Variants in ATP2B2 observed in about 807,000 individuals in gnomAD.
ATP2B2 encodes plasma membrane calcium-transporting ATPase 2.
ATP2B2 carries 15 observed loss-of-function variants against 120.0 expected under a neutral mutation model. The observed-to-expected ratio is 0.12, with a 90% CI of 0.08 to 0.19. The LOEUF is 0.19. Among genes scored for constraint, ATP2B2 ranks in the 10% least tolerant of loss-of-function variants. ATP2B2 has a pLI of 1.00. For synonymous variants in ATP2B2, 694 were observed against 700.3 expected (o/e 0.99, Z 0.14); for missense variants, 1,045 against 1,719.8 (o/e 0.61, Z 6.94).
chr3:10,502,673 C>T (rs964756476), intron 1 of ATP2B2, among the ~76,000 whole-genome samples: 8 of 152,214 alleles, frequency 5.3e-5, no homozygotes, highest in Non-Finnish European at 7.3e-5. Context: ...GGTAAAGGGA[C>T]GACACAGCGG....
In ATP2B2 at chr3:10,345,426, C is replaced by A; in HGVS notation, c.2661G>T (p.Val887=). 1 of 1,614,222 alleles carries A rather than the reference C, an allele frequency of 6.2e-7. No homozygotes were observed. The highest frequency in any genetic ancestry group is 1.7e-5 in the Admixed American group (1 of 60,034). Residue 887 remains valine (V), a synonymous_variant, in exon 18 of 23, where the codon GTG becomes GTT. Transcript: ENST00000360273. The part of the protein sequence containing the change: ...KFLQFQLTVN[V]VAVIVAFTGA... Reference sequence around the variant, plus strand: ...CTGTGAAGGCCACAATCACGGCCACCACGTTGACGGTGAGCTGGAACTGCA... The same window carrying A: ...CTGTGAAGGCCACAATCACGGCCACAACGTTGACGGTGAGCTGGAACTGCA...
chr3:10,703,667 T>G (rs1046327190), intron 1 of ATP2B2, among the ~76,000 whole-genome samples: 1 of 152,216 alleles, frequency 6.6e-6, no homozygotes, highest in Non-Finnish European at 1.5e-5. Context: ...GAGTCTCAGT[T>G]TCCTCATCTG....
rs1354392294 is a variant in ATP2B2, at chr3:10,423,869, G to A, written c.200-13054C>T. ...GAGGGACAACCTAGCTTCGCCTGCTGAGGTAGATGAAAGAAAGTGCAAAGG... is the reference window on the plus strand; with the variant it reads ...GAGGGACAACCTAGCTTCGCCTGCTAAGGTAGATGAAAGAAAGTGCAAAGG... On this transcript the variant is annotated intron_variant, in intron 2 of 22. Coordinates refer to ENST00000360273, the MANE Select transcript of ATP2B2 (RefSeq NM_001001331.4). Among the ~76,000 whole-genome samples, 3 of 152,314 alleles carry A rather than the reference G, an allele frequency of 2.0e-5. No individual in the cohort carries two copies. In the East Asian group the frequency reaches 5.8e-4, roughly 29 times the overall value.
intron 1 of ATP2B2, among the ~76,000 whole-genome samples, chr3:10,685,957 C>A (rs2071509009): frequency 6.6e-6 from 1 of 151,784 alleles, no homozygotes; most frequent in African/African-American, 2.4e-5. Flanking sequence ...TTTAATGTGT[C>A]TCTCATTCTC....
chr3:10,614,081 C>T (rs1318430772), intron 2 of ATP2B2, among the ~76,000 whole-genome samples: 3 of 152,038 alleles, frequency 2.0e-5, no homozygotes, highest in African/African-American at 4.8e-5. Context: ...AGCCCCTCCC[C>T]CTCTCTCCTC....
chr3:10,369,602 C>T (rs530766463), intron 12 of ATP2B2, among the ~76,000 whole-genome samples: 10 of 152,310 alleles, frequency 6.6e-5, no homozygotes, highest in Admixed American at 1.3e-4. Flanking sequence ...AATCCTCTTT[C>T]GGTGGGTGAT....
At chr3:10,527,000 G>T (rs1260197229) in intron 3 of ATP2B2, among the ~76,000 whole-genome samples, 1 of 152,194 alleles carries the variant, frequency 6.6e-6, no homozygotes, top group Non-Finnish European at 1.5e-5. Context: ...CATTTCATGG[G>T]TTTTTAAAAT....
At chr3:10,551,862 G>A (rs560955203) in intron 2 of ATP2B2, among the ~76,000 whole-genome samples, 16 of 152,282 alleles carry the variant, frequency 1.1e-4, no homozygotes, top group Admixed American at 3.3e-4. Flanking sequence ...CTTCTTCCTG[G>A]GCTGTGGGAA....
At chr3:10,386,708 G>A (rs3821775) in intron 6 of ATP2B2, among the ~76,000 whole-genome samples, 196 bp from the exon 7 acceptor site, 2 of 152,302 alleles carry the variant, frequency 1.3e-5, no homozygotes, top group East Asian at 3.9e-4. Flanking sequence ...GGCAGAGGGG[G>A]CCCAGCTGAG....
chr3:10,435,385 T>TA (rs2063449407), intron 2 of ATP2B2, among the ~76,000 whole-genome samples: 1 of 152,162 alleles, frequency 6.6e-6, no homozygotes, highest in South Asian at 2.1e-4. Flanking sequence ...CCTGAGCTCC[T>TA]ACATCTTCCT....
intron 2 of ATP2B2, among the ~76,000 whole-genome samples, chr3:10,557,606 A>C (rs2067809900): frequency 6.6e-6 from 1 of 152,234 alleles, no homozygotes; most frequent in African/African-American, 2.4e-5. Flanking sequence ...CGGACTGGGC[A>C]TTTAGGCAGG....
intron 1 of ATP2B2, among the ~76,000 whole-genome samples, chr3:10,686,268 G>T (rs1308103669): frequency 1.3e-5 from 2 of 151,802 alleles, no homozygotes; most frequent in African/African-American, 4.9e-5. Flanking sequence ...TCAAACTGAT[G>T]TTAGTCTTGT....
Position 10,375,733 on chromosome 3 carries a change from G to T in ATP2B2, c.1202-89C>A. On this transcript the variant is annotated intron_variant, in intron 10 of 22. Coordinates refer to ENST00000360273, the MANE Select transcript of ATP2B2 (RefSeq NM_001001331.4). The surrounding 1 kb of genome is among the most constrained non-coding windows in gnomAD (Gnocchi z 4.2). ...CAAATCTTTGGCTGAAAGAGCTCCG[G>T]GTCAGGCTGACCCCAGCTCACCTCC... 8.1e-7 allele frequency: 1 copy of T among 1,234,386 alleles called. No individual in the cohort carries two copies. The highest frequency in any genetic ancestry group is 1.2e-6 in the Non-Finnish European group (1 of 856,302). 76.5% of individuals were successfully genotyped at this position (1,234,386 alleles called of 1,614,324 possible).
intron 2 of ATP2B2, among the ~76,000 whole-genome samples, chr3:10,613,030 T>C (rs1436942400): frequency 6.6e-6 from 1 of 152,170 alleles, no homozygotes; most frequent in Non-Finnish European, 1.5e-5. Context: ...TGAGCCAGCC[T>C]GGCCTCCACC....
At chr3:10,614,757 T>G (rs182087793) in intron 2 of ATP2B2, among the ~76,000 whole-genome samples, 2 of 152,226 alleles carry the variant, frequency 1.3e-5, no homozygotes, top group Admixed American at 6.5e-5. Flanking sequence ...AGGACTTTAT[T>G]TGGTTGACTC....
At chr3:10,599,623 C>T (rs1011140169) in intron 2 of ATP2B2, among the ~76,000 whole-genome samples, 2 of 152,114 alleles carry the variant, frequency 1.3e-5, no homozygotes, top group African/African-American at 2.4e-5. Context: ...GCTCCAGCAA[C>T]GTGGAGTTCA....
At chr3:10,681,386 C>T (rs563346154) in intron 1 of ATP2B2, among the ~76,000 whole-genome samples, 4 of 152,258 alleles carry the variant, frequency 2.6e-5, no homozygotes, top group African/African-American at 9.6e-5. Flanking sequence ...TCCTCGTTTC[C>T]AAAGTGCTGT....
intron 7 of ATP2B2, among the ~76,000 whole-genome samples, chr3:10,385,959 T>C (rs952245293): frequency 6.6e-6 from 1 of 152,352 alleles, no homozygotes. Context: ...TTGCATTTTG[T>C]ATATGGGATG....
chr3:10,666,700 G>T (rs886206663), intron 1 of ATP2B2, among the ~76,000 whole-genome samples: 1 of 152,220 alleles, frequency 6.6e-6, no homozygotes, highest in African/African-American at 2.4e-5. Context: ...ATGGATGAAT[G>T]AAGGAGGCTC....
Sources: gnomAD v4.1 joint callset for allele counts (sites outside exome capture counted in the v4.1 genomes callset) on GRCh38, gnomAD v4.1.1 for gene constraint, Gnocchi (gnomAD v3.1) non-coding constraint, MANE v1.5 for transcripts, NCBI Gene and HGNC (gene_info 2026-07-23, HGNC 2026-07-21) for gene names.